The following USP8 variants were observed in gnomAD, a reference collection of about 807,000 sequenced individuals.
The protein encoded by USP8 is ubiquitin specific peptidase 8, also known as ubiquitin carboxyl-terminal hydrolase 8.
A neutral mutation model predicts 130.0 loss-of-function variants in USP8; 27 were observed. The observed-to-expected ratio is 0.21, with a 90% confidence interval of 0.15 to 0.29. The LOEUF (loss-of-function observed/expected upper bound fraction) is 0.29. Ranked by LOEUF, USP8 falls within the 10% of genes least tolerant of loss-of-function variation. The pLI, the probability that USP8 is intolerant of heterozygous loss-of-function variation, is 1.00. For synonymous variants in USP8, 392 were observed against 444.1 expected (o/e 0.88, Z 1.48); for missense variants, 1,029 against 1,312.2 (o/e 0.78, Z 3.33).
At chr15:50,433,841 G>A (rs545539461) in intron 1 of USP8, among the ~76,000 whole-genome samples, 34 of 152,160 alleles carry the variant, frequency 2.2e-4, no homozygotes, top group East Asian at 3.9e-4. Flanking sequence ...TCCTGACCTC[G>A]TGATCCGCCC....
chr15:50,459,350 G>A (rs187641091), intron 5 of USP8, among the ~76,000 whole-genome samples, 188 bp downstream of exon 5: 4 of 152,300 alleles, frequency 2.6e-5, no homozygotes, highest in East Asian at 3.9e-4. Context: ...TTGGGAGGCC[G>A]AGGCGGGCAG....
intron 2 of USP8, 119 bp from the exon 3 acceptor site, chr15:50,441,230 C>A: frequency 1.0e-6 from 1 of 973,686 alleles, no homozygotes; most frequent in Non-Finnish European, 1.4e-6. Context: ...GAACCAGTAC[C>A]AATCTGTGGC....
At chr15:50,459,928 T>C (rs906454244) in intron 5 of USP8, among the ~76,000 whole-genome samples, 1 of 151,904 alleles carries the variant, frequency 6.6e-6, no homozygotes, top group Non-Finnish European at 1.5e-5. Context: ...TTTTATCTGT[T>C]TCTGAGGTCT....
At chr15:50,479,510 G>A (rs1447684312) in intron 10 of USP8, among the ~76,000 whole-genome samples, 1 of 152,104 alleles carries the variant, frequency 6.6e-6, no homozygotes, top group Admixed American at 6.5e-5. Context: ...TTTTAAACTT[G>A]AGAGTAACAT....
intron 7 of USP8, among the ~76,000 whole-genome samples, chr15:50,465,887 A>C (rs933330574): frequency 6.6e-6 from 1 of 152,222 alleles, no homozygotes; most frequent in African/African-American, 2.4e-5. Flanking sequence ...CATCTGTAAA[A>C]TGGGGATAAT....
chr15:50,459,993 C>CGA (rs2050929844), intron 5 of USP8, among the ~76,000 whole-genome samples: 1 of 113,388 alleles, frequency 8.8e-6, no homozygotes, highest in Non-Finnish European at 1.8e-5. Flanking sequence ...CCCCACCCCC[C>CGA]CCCTTTTTTT....
At chr15:50,452,222 CAT>C (rs2050650846) in intron 4 of USP8, among the ~76,000 whole-genome samples, 1 of 152,222 alleles carries the variant, frequency 6.6e-6, no homozygotes, top group African/African-American at 2.4e-5. Flanking sequence ...CCTCTCATAA[CAT>C]AGACTTAATC....
chr15:50,455,968 T>C (rs1304412349), intron 4 of USP8, among the ~76,000 whole-genome samples: 1 of 152,192 alleles, frequency 6.6e-6, no homozygotes, highest in Non-Finnish European at 1.5e-5. Flanking sequence ...AAAATGGGAA[T>C]CTTACTAATG....
intron 2 of USP8, among the ~76,000 whole-genome samples, chr15:50,441,046 C>T (rs1303673829): frequency 6.6e-6 from 1 of 151,288 alleles, no homozygotes; most frequent in Non-Finnish European, 1.5e-5. Flanking sequence ...CTCACATGTG[C>T]AGTTCACAAT....
intron 1 of USP8, among the ~76,000 whole-genome samples, chr15:50,433,778 T>G (rs1021899154): frequency 3.9e-5 from 6 of 151,944 alleles, no homozygotes; most frequent in Admixed American, 1.3e-4. Context: ...GCTAATTTTT[T>G]GTCTTTTTAG....
At chr15:50,487,926 ACC>A (rs2052021795) in intron 12 of USP8, among the ~76,000 whole-genome samples, 1 of 152,178 alleles carries the variant, frequency 6.6e-6, no homozygotes, top group Admixed American at 6.5e-5. Flanking sequence ...AAGCCTGCAG[ACC>A]CAGCTACTTG....
At chr15:50,447,448 C>T (rs1025568697) in intron 3 of USP8, among the ~76,000 whole-genome samples, 1 of 152,046 alleles carries the variant, frequency 6.6e-6, no homozygotes, top group African/African-American at 2.4e-5. Flanking sequence ...GCCATGTTGG[C>T]CAGGCTGGTC....
intron 3 of USP8, among the ~76,000 whole-genome samples, chr15:50,448,329 TTAAC>T (rs1309884230): frequency 2.0e-5 from 3 of 152,166 alleles, no homozygotes; most frequent in East Asian, 3.9e-4. Context: ...TTTAACTGAC[TTAAC>T]TAACTACTGC....
intron 14 of USP8, among the ~76,000 whole-genome samples, chr15:50,492,270 C>T (rs947287760): frequency 6.6e-6 from 1 of 152,164 alleles, no homozygotes; most frequent in Admixed American, 6.5e-5. Flanking sequence ...ATCTACTCCA[C>T]GGTATGGTTT....
chr15:50,441,351 A>T lies in USP8; in HGVS notation c.107A>T (p.Tyr36Phe). ...VKPEKISTKS[Y>F]VHSALKIFKT... Reference sequence around the variant, plus strand: ...ATTATTTTTTCTCTAATTTTAAGTTATGTGCACAGTGCCCTGAAGATCTTT... The same window carrying T: ...ATTATTTTTTCTCTAATTTTAAGTTTTGTGCACAGTGCCCTGAAGATCTTT... The change falls in exon 3 of 20, where the codon TAT becomes TTT. Residue 36 changes from tyrosine (Y) to phenylalanine (F), a missense_variant and splice_region_variant. Around this residue, in one of 4 missense-constraint regions of USP8, gnomAD observed 281 missense variants for 336.7 expected, o/e 0.83. Transcript: ENST00000307179. 1.3e-6 allele frequency: 2 copies of T among 1,580,816 alleles called. No homozygotes were observed. Among genetic ancestry groups the T allele is most frequent in the Non-Finnish European group, 8.5e-7 (1 of 1,172,196 alleles).
chr15:50,434,104 T>TTTTTG (rs139482198), intron 1 of USP8, among the ~76,000 whole-genome samples: 34,438 of 148,690 alleles, frequency 0.23, 4,485 homozygotes, highest in Middle Eastern at 0.32. Flanking sequence ...AGCATAAGGT[T>TTTTTG]TTTTGTTTTG....
chr15:50,467,712 T>C (rs987062690), intron 7 of USP8, among the ~76,000 whole-genome samples: 2 of 151,802 alleles, frequency 1.3e-5, no homozygotes, highest in Admixed American at 6.6e-5. Flanking sequence ...CATGCCACCA[T>C]GCCCAGCTGA....
At chr15:50,485,421 G>C (rs1486386077) in intron 12 of USP8, among the ~76,000 whole-genome samples, 2 of 149,832 alleles carry the variant, frequency 1.3e-5, no homozygotes, top group African/African-American at 4.9e-5. Context: ...CTGCACTCCA[G>C]CCTGGGCAAC....
Position 50,481,490 on chromosome 15 carries a change from A to G in USP8, c.1228A>G (p.Thr410Ala). The G allele has an allele frequency of 1.3e-6, 2 of 1,585,664 alleles. No homozygotes were observed. Among genetic ancestry groups the G allele is most frequent in the Non-Finnish European group, 1.7e-6 (2 of 1,170,492 alleles). Residue 410 changes from threonine to alanine, a missense_variant, in exon 11 of 20, where the codon ACT becomes GCT. Coordinates refer to ENST00000307179, the MANE Select transcript of USP8 (RefSeq NM_005154.5). Reference sequence around the variant, plus strand: ...GGTTTTGTTGCTCTAGATTGATCGTACTAAAAAACCAGCAGTCAAATTGCC... The same window carrying G: ...GGTTTTGTTGCTCTAGATTGATCGTGCTAAAAAACCAGCAGTCAAATTGCC... Reference protein sequence around the residue: ...SIKNVPQIDRTKKPAVKLPEE... With the variant: ...SIKNVPQIDRAKKPAVKLPEE...
Sources: gnomAD v4.1 joint callset for allele counts (sites outside exome capture counted in the v4.1 genomes callset) on GRCh38, gnomAD v4.1.1 for gene constraint, gnomAD v4.1.1 regional missense constraint, MANE v1.5 for transcripts, NCBI Gene and HGNC (gene_info 2026-07-23, HGNC 2026-07-21) for gene names.